The following CLIC4 variants were observed in gnomAD, a reference collection of about 807,000 sequenced individuals.
CLIC4 encodes the protein CLIC family member 4.
A neutral mutation model predicts 24.6 loss-of-function variants in CLIC4; 13 were observed. That is an observed-to-expected ratio of 0.53 (90% CI 0.34 to 0.84). CLIC4 has a LOEUF of 0.84. CLIC4 is among the 40% of genes least tolerant of loss of function. The pLI is 0.01. For missense variants in CLIC4, 227 were observed against 301.7 expected, an observed-to-expected ratio of 0.75 and a Z score of 1.83; for synonymous variants, 104 against 111.3, an observed-to-expected ratio of 0.93 and a Z score of 0.41.
intron 1 of CLIC4, among the ~76,000 whole-genome samples, chr1:24,775,071 A>G (rs1487510283): frequency 7.6e-6 from 1 of 132,130 alleles, no homozygotes; most frequent in Non-Finnish European, 1.5e-5. Flanking sequence ...ACTCCATCTG[A>G]AAAAAAAAAA....
intron 1 of CLIC4, among the ~76,000 whole-genome samples, chr1:24,780,820 T>G (rs4477214): frequency 0.047 from 7,100 of 151,808 alleles, 537 homozygotes; most frequent in African/African-American, 0.16. Context: ...GGGCACGGTG[T>G]CTCATGCCTG....
At chr1:24,754,820 C>G (rs760211225) in intron 1 of CLIC4, among the ~76,000 whole-genome samples, 11 of 151,926 alleles carry the variant, frequency 7.2e-5, no homozygotes, top group Non-Finnish European at 1.3e-4. Context: ...ACCTGTAATC[C>G]CAGCACTTTG....
At chr1:24,777,065 G>C (rs978347401) in intron 1 of CLIC4, among the ~76,000 whole-genome samples, 1 of 152,088 alleles carries the variant, frequency 6.6e-6, no homozygotes, top group African/African-American at 2.4e-5. Flanking sequence ...TGTGCTTTTC[G>C]AACCTAAATC....
At chr1:24,816,238 T>TG (rs894906719) in intron 3 of CLIC4, among the ~76,000 whole-genome samples, 37 of 143,854 alleles carry the variant, frequency 2.6e-4, no homozygotes, top group African/African-American at 8.8e-4. Flanking sequence ...GTTCGTGTTT[T>TG]TTTTTTTTTT....
rs1193448366 is a variant in CLIC4, at chr1:24,841,519, A to G, written c.*582A>G. 5 of 152,180 alleles carry G rather than the reference A, an allele frequency of 3.3e-5. No individual in the cohort carries two copies. Among genetic ancestry groups the G allele is most frequent in the Admixed American group, 2.0e-4 (3 of 15,276 alleles). 9.4% of individuals were successfully genotyped at this position (152,180 alleles called of 1,614,324 possible). A position where few individuals can be genotyped will look rare whatever the true frequency, so the allele number is the denominator to read the frequency against. ...GAGCTTTCTACAAAAGTCACTACAG[A>G]TTTTGCTATATTGCTTTGTAGATAG... On this transcript the variant is annotated 3_prime_UTR_variant, in exon 6 of 6. Coordinates refer to ENST00000374379, the MANE Select transcript of CLIC4 (RefSeq NM_013943.3).
intron 4 of CLIC4, among the ~76,000 whole-genome samples, chr1:24,838,743 A>T (rs1356643842): frequency 6.6e-6 from 1 of 152,162 alleles, no homozygotes; most frequent in Non-Finnish European, 1.5e-5. Context: ...TTGTTATTCC[A>T]TATTTTTAAT....
At chr1:24,775,146 A>G (rs181061354) in intron 1 of CLIC4, among the ~76,000 whole-genome samples, 3 of 150,190 alleles carry the variant, frequency 2.0e-5, no homozygotes, top group Admixed American at 2.0e-4. Flanking sequence ...AGTCATTCAA[A>G]TTATTATTTC....
intron 4 of CLIC4, among the ~76,000 whole-genome samples, chr1:24,827,804 A>AGGG (rs1213495736): frequency 6.6e-6 from 1 of 152,190 alleles, no homozygotes; most frequent in Non-Finnish European, 1.5e-5. Context: ...TGTATAGTGT[A>AGGG]GGGAGGTCTC....
intron 1 of CLIC4, among the ~76,000 whole-genome samples, chr1:24,753,005 G>A (rs1416654597): frequency 2.6e-5 from 4 of 152,226 alleles, no homozygotes; most frequent in African/African-American, 7.2e-5. Flanking sequence ...ACAGGCGTGA[G>A]CCACCGCGCC....
chr1:24,815,695 C>G (rs1344634449), intron 3 of CLIC4, among the ~76,000 whole-genome samples: 5 of 152,086 alleles, frequency 3.3e-5, no homozygotes, highest in Non-Finnish European at 7.4e-5. Context: ...TGGACTCTTC[C>G]TTTCATGAAA....
At chr1:24,811,557 C>G (rs553289357) in intron 2 of CLIC4, among the ~76,000 whole-genome samples, 2 of 152,074 alleles carry the variant, frequency 1.3e-5, no homozygotes, top group African/African-American at 4.8e-5. Context: ...ACTGCAGCCT[C>G]GACCGCCTGG....
intron 2 of CLIC4, among the ~76,000 whole-genome samples, chr1:24,812,574 T>A (rs1485116818): frequency 6.6e-6 from 1 of 152,154 alleles, no homozygotes; most frequent in African/African-American, 2.4e-5. Context: ...AATGAGTGAC[T>A]TAGTTAATTT....
intron 1 of CLIC4, among the ~76,000 whole-genome samples, chr1:24,765,815 CTT>C (rs34506030): frequency 5.9e-5 from 8 of 135,356 alleles, no homozygotes; most frequent in Non-Finnish European, 7.7e-5. Flanking sequence ...TTCTTTCTTT[CTT>C]TTTTTTTTTT....
rs1014261500 is a variant in CLIC4 at position 24,745,499 on chromosome 1, AAGCAGC to A, written c.-39_-34del. 23 of 1,492,066 alleles carry A rather than the reference AAGCAGC, an allele frequency of 1.5e-5. No individual in the cohort carries two copies. In the African/African-American group the frequency reaches 2.1e-4, roughly 14 times the overall value. 92.4% of individuals were successfully genotyped at this position (1,492,066 alleles called of 1,614,324 possible). ...GGCAGCCGGAGCAGTCCCGGAGCAG[AAGCAGC>A]AGCAGCAGCAGCAGCCCTCGCCGTT... On this transcript the variant is annotated 5_prime_UTR_variant, in exon 1 of 6. Transcript: ENST00000374379.
At chr1:24,755,988 A>AT (rs1418657967) in intron 1 of CLIC4, among the ~76,000 whole-genome samples, 2 of 141,860 alleles carry the variant, frequency 1.4e-5, no homozygotes, top group Non-Finnish European at 3.0e-5. Context: ...TGCCCAGCTA[A>AT]TTTTTTGATT....
chr1:24,760,510 CAT>C (rs1158706509), intron 1 of CLIC4, among the ~76,000 whole-genome samples: 1 of 152,190 alleles, frequency 6.6e-6, no homozygotes, highest in Non-Finnish European at 1.5e-5. Context: ...AGATATGCCT[CAT>C]ATTGTATCTA....
chr1:24,780,495 A>G (rs973394523), intron 1 of CLIC4, among the ~76,000 whole-genome samples: 5 of 152,214 alleles, frequency 3.3e-5, no homozygotes, highest in Admixed American at 1.3e-4. Flanking sequence ...ACTCATGGCA[A>G]TCTTGTCACA....
chr1:24,787,824 C>T (rs1221794309), intron 1 of CLIC4, among the ~76,000 whole-genome samples: 2 of 146,058 alleles, frequency 1.4e-5, no homozygotes, highest in Admixed American at 7.0e-5. Context: ...GGATTACAGG[C>T]GTGAGTCACC....
intron 4 of CLIC4, among the ~76,000 whole-genome samples, chr1:24,828,335 A>G (rs889155870): frequency 2.6e-5 from 4 of 151,954 alleles, no homozygotes; most frequent in Non-Finnish European, 4.4e-5. Flanking sequence ...AGTAGCTGCC[A>G]TGGTTTGGAA....
Sources: gnomAD v4.1 joint callset for allele counts (sites outside exome capture counted in the v4.1 genomes callset) on GRCh38, gnomAD v4.1.1 for gene constraint, MANE v1.5 for transcripts, NCBI Gene and HGNC (gene_info 2026-07-23, HGNC 2026-07-21) for gene names.